MAPT: variants seen among roughly 807,000 people sequenced by gnomAD.
MAPT encodes the protein microtubule associated protein tau.
A neutral mutation model predicts 67.9 loss-of-function variants in MAPT; 34 were observed. That is an observed-to-expected ratio of 0.50 (90% CI 0.38 to 0.67). The LOEUF is 0.67. MAPT is among the 30% of genes least tolerant of loss of function. The pLI, the probability that MAPT is intolerant of heterozygous loss-of-function variation, is 0.00. For missense variants in MAPT, 881 were observed against 1,115.2 expected, an observed-to-expected ratio of 0.79 and a Z score of 2.99; for synonymous variants, 456 against 464.5, an observed-to-expected ratio of 0.98 and a Z score of 0.23.
intron 2 of MAPT, among the ~76,000 whole-genome samples, chr17:45,970,015 C>CCCAT (rs1332645333): frequency 8.1e-5 from 12 of 147,500 alleles, no homozygotes; most frequent in African/African-American, 2.8e-4. Context: ...CTACACATCA[C>CCCAT]CCATCCATCC....
At chr17:45,930,026 C>A (rs144698904) in intron 1 of MAPT, among the ~76,000 whole-genome samples, 2 of 152,184 alleles carry the variant, frequency 1.3e-5, no homozygotes, top group Non-Finnish European at 1.5e-5. Context: ...GGCCTGACCA[C>A]CAAGCCAGCT....
intron 1 of MAPT, among the ~76,000 whole-genome samples, chr17:45,914,137 GA>G (rs1046084911): frequency 4.2e-5 from 5 of 119,598 alleles, no homozygotes; most frequent in African/African-American, 1.0e-4. Flanking sequence ...GCAAGTGACA[GA>G]AAAAAAAAAA....
chr17:45,909,446 C>G (rs546930445), intron 1 of MAPT, among the ~76,000 whole-genome samples: 1 of 152,154 alleles, frequency 6.6e-6, no homozygotes, highest in African/African-American at 2.4e-5. Context: ...AATAACAAAT[C>G]GAAGTCAGCT....
At chr17:45,941,572 T>C (rs1425022525) in intron 1 of MAPT, among the ~76,000 whole-genome samples, 3 of 151,438 alleles carry the variant, frequency 2.0e-5, no homozygotes, top group African/African-American at 7.3e-5. Context: ...TCTTGCCAGC[T>C]TTTTCTCCTT....
At chr17:45,898,868 C>T (rs1209390486) in intron 1 of MAPT, 1 of 152,168 alleles carries the variant, frequency 6.6e-6, no homozygotes, top group Non-Finnish European at 1.5e-5. Flanking sequence ...CAGTGGGAAG[C>T]AGGTGGGAAA....
rs2076752629 is a variant in MAPT, at chr17:46,025,164, T to C, written c.*993T>C. On this transcript the variant is annotated 3_prime_UTR_variant, in exon 13 of 13. Transcript: ENST00000262410. The stretch of plus-strand genomic sequence containing the variant: ...TGGCCACTTTGCAGACCTGGGACTT[T>C]AGGGCTAACCAGTTCTCTTTGTAAG... 1 of 152,782 alleles carries C rather than the reference T, an allele frequency of 6.5e-6. No individual in the cohort carries two copies. The highest frequency in any genetic ancestry group is 2.1e-4 in the South Asian group (1 of 4,832). 9.5% of individuals were successfully genotyped at this position (152,782 alleles called of 1,614,324 possible).
chr17:46,013,903 G>A (rs573870763), intron 10 of MAPT, among the ~76,000 whole-genome samples: 2 of 152,166 alleles, frequency 1.3e-5, no homozygotes, highest in Non-Finnish European at 2.9e-5. Flanking sequence ...TTACACTTAA[G>A]CGTTTGCTGA....
intron 1 of MAPT, among the ~76,000 whole-genome samples, chr17:45,935,482 C>G (rs2067239922): frequency 6.6e-6 from 1 of 152,256 alleles, no homozygotes; most frequent in South Asian, 2.1e-4. Context: ...AGAGGTGGTG[C>G]AGGAATTTGG....
intron 8 of MAPT, among the ~76,000 whole-genome samples, chr17:45,992,891 C>CAAAAAA (rs1187123182): frequency 2.3e-5 from 2 of 85,590 alleles, no homozygotes; most frequent in Non-Finnish European, 4.8e-5. Flanking sequence ...GATTCCTTCT[C>CAAAAAA]AAAAAAAAAA....
Position 45,904,012 on chromosome 17 carries a change from ATTATATATTATATAT to A in MAPT, c.-18+9350_-18+9364del, listed in dbSNP as rs1319432832. On this transcript the variant is annotated intron_variant, in intron 1 of 12. Coordinates refer to ENST00000262410, the MANE Select transcript of MAPT (RefSeq NM_001377265.1). ...TTTATATATATTATATATTATATATATTATATATTATATATTTATATATTATATATTTATATATAT... is the reference window on the plus strand; with the variant it reads ...TTTATATATATTATATATTATATATATTATATATTATATATTTATATATAT... 5.1e-3 allele frequency among the ~76,000 whole-genome samples: 46 copies of A among 9,090 alleles called. 2 individuals are homozygous for A. Among genetic ancestry groups the A allele is most frequent in the South Asian group, 7.5e-3 (4 of 532 alleles). 6.0% of individuals were successfully genotyped at this position (9,090 alleles called of 152,430 possible).
rs748194611 is a variant in MAPT at position 45,983,337 on chromosome 17, CAG to C, written c.761_762del (p.Glu254GlyfsTer7). 44 of 1,602,278 alleles carry C rather than the reference CAG, an allele frequency of 2.7e-5. No individual in the cohort carries two copies. Among genetic ancestry groups the C allele is most frequent in the Non-Finnish European group, 3.7e-5 (44 of 1,175,078 alleles). ...CCTTCGGGGACAGGACCTGAGGACA[CAG>C]AGGGCGGCCGCCACGCCCCTGAGCT... On this transcript the variant is annotated frameshift_variant, in exon 5 of 13. Coordinates refer to ENST00000262410, the MANE Select transcript of MAPT (RefSeq NM_001377265.1). LOFTEE classifies it high-confidence loss of function.
chr17:45,910,160 C>T (rs1391047840), intron 1 of MAPT, among the ~76,000 whole-genome samples: 1 of 152,204 alleles, frequency 6.6e-6, no homozygotes. Context: ...GGGGTGTCCT[C>T]ACACTTGGGT....
At chr17:45,920,955 T>C (rs1234391308) in intron 1 of MAPT, among the ~76,000 whole-genome samples, 2 of 152,252 alleles carry the variant, frequency 1.3e-5, no homozygotes, top group Non-Finnish European at 2.9e-5. Flanking sequence ...CAAATTATAG[T>C]GGCAAACGTA....
chr17:45,922,600 T>C (rs2065859582), intron 1 of MAPT, among the ~76,000 whole-genome samples: 1 of 151,986 alleles, frequency 6.6e-6, no homozygotes, highest in Non-Finnish European at 1.5e-5. Context: ...GATATAAAAA[T>C]TTTTCTTAAA....
chr17:45,912,369 A>C (rs1469193347), intron 1 of MAPT, among the ~76,000 whole-genome samples: 3 of 152,214 alleles, frequency 2.0e-5, no homozygotes. Context: ...ATTATCCTGT[A>C]TTATCTAGGT....
rs2063834555 is a variant in MAPT, at chr17:45,903,871, T to TTATATATTTATATATTTATATATTA, written c.-18+9202_-18+9226dup. Among the ~76,000 whole-genome samples the TTATATATTTATATATTTATATATTA allele has an allele frequency of 3.9e-5, 2 of 51,102 alleles. 1 individual carries two copies. The highest frequency in any genetic ancestry group is 1.5e-4 in the African/African-American group (2 of 13,360). The allele number at this position is 51,102 out of a possible 152,430, so 33.5% of individuals were successfully genotyped here. Reference sequence around the variant, plus strand: ...TATTATATATTATATATATTATATATTATATATTTATATATTTATATATTA... The same window carrying TTATATATTTATATATTTATATATTA: ...TATTATATATTATATATATTATATATTATATATTTATATATTTATATATTATATATATTTATATATTTATATATTA... On this transcript the variant is annotated intron_variant, in intron 1 of 12. Coordinates refer to ENST00000262410, the MANE Select transcript of MAPT (RefSeq NM_001377265.1).
Position 46,024,284 on chromosome 17 carries a change from C to A in MAPT, c.*113C>A. 2.0e-6 allele frequency: 2 copies of A among 984,282 alleles called. No homozygotes were observed. Among genetic ancestry groups the A allele is most frequent in the South Asian group, 2.7e-5 (2 of 73,870 alleles). The allele number at this position is 984,282 out of a possible 1,614,324, so 61.0% of individuals were successfully genotyped here. A position where few individuals can be genotyped will look rare whatever the true frequency, so the allele number is the denominator to read the frequency against. On this transcript the variant is annotated 3_prime_UTR_variant, in exon 13 of 13. Coordinates refer to ENST00000262410, the MANE Select transcript of MAPT (RefSeq NM_001377265.1). ...CTGCCCCCAGCTGCTCCTCGCAGTT[C>A]GGTTAATTGGTTAATCACTTAACCT...
intron 1 of MAPT, among the ~76,000 whole-genome samples, chr17:45,940,840 A>G (rs1306915370): frequency 1.3e-5 from 2 of 152,214 alleles, no homozygotes; most frequent in Non-Finnish European, 2.9e-5. Context: ...GAAGGATTCC[A>G]GAAGAGCTAG....
At chr17:45,999,983 A>C (rs561163178) in intron 9 of MAPT, among the ~76,000 whole-genome samples, 2 of 152,242 alleles carry the variant, frequency 1.3e-5, no homozygotes, top group Non-Finnish European at 2.9e-5. Flanking sequence ...GAAGGGTGTC[A>C]GGCCTCCTCC....
Sources: gnomAD v4.1 joint callset for allele counts (sites outside exome capture counted in the v4.1 genomes callset) on GRCh38, gnomAD v4.1.1 for gene constraint, MANE v1.5 for transcripts, NCBI Gene and HGNC (gene_info 2026-07-23, HGNC 2026-07-21) for gene names.